Variants in TRPM3 observed in about 807,000 individuals in gnomAD.
TRPM3 encodes long transient receptor potential channel 3.
In TRPM3, 77 loss-of-function variants were observed where a neutral mutation model predicts 181.2. The observed-to-expected ratio is 0.42, with a 90% CI of 0.35 to 0.51. The LOEUF is 0.51. TRPM3 is among the 20% of genes least tolerant of loss of function. The pLI, the probability that TRPM3 is intolerant of heterozygous loss-of-function variation, is 0.01. For synonymous variants in TRPM3, 745 were observed against 796.4 expected, an observed-to-expected ratio of 0.94 and a Z score of 1.09; for missense variants, 1,759 against 2,196.7, an observed-to-expected ratio of 0.80 and a Z score of 3.98.
chr9:70,912,654 T>C (rs1011882594), intron 1 of TRPM3, among the ~76,000 whole-genome samples: 1 of 152,174 alleles, frequency 6.6e-6, no homozygotes, highest in African/African-American at 2.4e-5. Flanking sequence ...CAAATGTGGA[T>C]ATTGATCCTT....
intron 22 of TRPM3, among the ~76,000 whole-genome samples, chr9:70,576,299 T>A (rs1375634176): frequency 1.3e-5 from 2 of 152,146 alleles, no homozygotes; most frequent in Middle Eastern, 3.2e-3. Flanking sequence ...TTTGGGTGAT[T>A]CTCTATCTTC....
At chr9:70,672,636 C>A (rs2063192041) in intron 9 of TRPM3, among the ~76,000 whole-genome samples, 2 of 152,110 alleles carry the variant, frequency 1.3e-5, no homozygotes, top group Non-Finnish European at 1.5e-5. Context: ...TATGAGATCA[C>A]CCTTATTCTT....
intron 1 of TRPM3, among the ~76,000 whole-genome samples, chr9:71,220,674 C>T (rs1399694529): frequency 6.6e-6 from 1 of 152,146 alleles, no homozygotes; most frequent in African/African-American, 2.4e-5. Flanking sequence ...GAACACATTA[C>T]TTAAGTCATT....
At chr9:70,679,583 A>G (rs1032992043) in intron 9 of TRPM3, among the ~76,000 whole-genome samples, 5 of 152,188 alleles carry the variant, frequency 3.3e-5, no homozygotes, top group African/African-American at 7.2e-5. Context: ...ATCTCCATAC[A>G]TAAGTGAGGG....
intron 1 of TRPM3, among the ~76,000 whole-genome samples, chr9:71,315,487 T>A (rs1221002797): frequency 6.6e-6 from 1 of 152,210 alleles, no homozygotes; most frequent in Admixed American, 6.6e-5. Flanking sequence ...TCTAGATCCC[T>A]GCTTTACTCA....
At chr9:71,205,816 A>G (rs1259295696) in intron 1 of TRPM3, among the ~76,000 whole-genome samples, 2 of 152,194 alleles carry the variant, frequency 1.3e-5, no homozygotes, top group Admixed American at 6.5e-5. Flanking sequence ...GAATGAGCAA[A>G]TTGAACTGTC....
At chr9:70,592,216 G>C (rs1173387417) in intron 21 of TRPM3, among the ~76,000 whole-genome samples, 1 of 152,118 alleles carries the variant, frequency 6.6e-6, no homozygotes, top group Admixed American at 6.5e-5. Flanking sequence ...CACAAGGTAG[G>C]TGTGTTTTCC....
At chr9:70,892,824 G>A (rs1019146703) in intron 1 of TRPM3, among the ~76,000 whole-genome samples, 2 of 152,186 alleles carry the variant, frequency 1.3e-5, no homozygotes, top group African/African-American at 4.8e-5. Context: ...ACCATAGTAT[G>A]TGGTGAAATA....
At chr9:71,175,884 T>A (rs548248881) in intron 1 of TRPM3, among the ~76,000 whole-genome samples, 2 of 152,266 alleles carry the variant, frequency 1.3e-5, no homozygotes, top group African/African-American at 4.8e-5. Flanking sequence ...CAACAGACCA[T>A]GTATAGGATG....
chr9:71,081,598 G>A (rs1487652223), intron 1 of TRPM3, among the ~76,000 whole-genome samples: 8 of 152,078 alleles, frequency 5.3e-5, no homozygotes, highest in Non-Finnish European at 7.4e-5. Context: ...TTTTTATGGC[G>A]TTACTAAGAA....
chr9:70,639,303 C>T (rs549783188), intron 10 of TRPM3, 109 bp from the exon 11 acceptor site: 8 of 1,220,636 alleles, frequency 6.6e-6, no homozygotes, highest in Non-Finnish European at 9.2e-6. Context: ...ATCTGGTAAA[C>T]CTTCAGCACA....
chr9:71,096,176 C>A (rs1235240757), intron 1 of TRPM3, among the ~76,000 whole-genome samples: 1 of 150,690 alleles, frequency 6.6e-6, no homozygotes, highest in Non-Finnish European at 1.5e-5. Flanking sequence ...GACCAGTGAT[C>A]AGAAAAAAAA....
chr9:70,855,821 T>A (rs1468378116), intron 3 of TRPM3, among the ~76,000 whole-genome samples: 1 of 152,186 alleles, frequency 6.6e-6, no homozygotes, highest in African/African-American at 2.4e-5. Context: ...TCCAAGTCCA[T>A]GGGGCCTTGT....
chr9:70,660,061 C>T (rs1043222656), intron 9 of TRPM3, among the ~76,000 whole-genome samples: 1 of 152,114 alleles, frequency 6.6e-6, no homozygotes, highest in African/African-American at 2.4e-5. Flanking sequence ...AACTTGGGAC[C>T]TACCTGTCTA....
intron 1 of TRPM3, among the ~76,000 whole-genome samples, chr9:71,344,084 C>T (rs2091141117): frequency 6.6e-6 from 1 of 151,098 alleles, no homozygotes; most frequent in African/African-American, 2.4e-5. Context: ...AGGGAATCTT[C>T]ATTACATAAG....
intron 7 of TRPM3, among the ~76,000 whole-genome samples, chr9:70,781,785 A>C (rs1216772017): frequency 2.6e-5 from 4 of 151,890 alleles, no homozygotes; most frequent in Non-Finnish European, 5.9e-5. Flanking sequence ...AAAATACATA[A>C]CCTTTCCTCC....
chr9:70,864,297 C>T (rs10780981), intron 2 of TRPM3, 135 bp downstream of exon 2: 190,422 of 557,428 alleles, frequency 0.34, 33,690 homozygotes, highest in African/African-American at 0.38. Context: ...ATAAGATTGC[C>T]TCAAAGATGT....
chr9:70,618,489 G>A (rs1429674502), intron 17 of TRPM3, among the ~76,000 whole-genome samples: 3 of 152,176 alleles, frequency 2.0e-5, no homozygotes, highest in Non-Finnish European at 4.4e-5. Flanking sequence ...ATGCCAAGGA[G>A]GGCCAGGGGT....
At chr9:71,316,393 T>C (rs552453613) in intron 1 of TRPM3, among the ~76,000 whole-genome samples, 1 of 152,322 alleles carries the variant, frequency 6.6e-6, no homozygotes, top group East Asian at 1.9e-4. Context: ...ATGTCCATGT[T>C]TTAATCCTTG....
Sources: gnomAD v4.1 joint callset for allele counts (sites outside exome capture counted in the v4.1 genomes callset) on GRCh38, gnomAD v4.1.1 for gene constraint, MANE v1.5 for transcripts, NCBI Gene and HGNC (gene_info 2026-07-23, HGNC 2026-07-21) for gene names.